Variants in NRG1 observed in about 807,000 individuals in gnomAD.
NRG1 encodes pro-neuregulin-1, membrane-bound isoform.
Under a neutral mutation model 63.8 loss-of-function variants are expected in NRG1, and 18 were observed. The observed-to-expected ratio is 0.28, with a 90% CI of 0.19 to 0.42. The LOEUF is 0.42. NRG1 is among the 10% of genes least tolerant of loss of function. The probability of loss-of-function intolerance (pLI) is 1.00; values close to 1 mark genes in which losing one functional copy is unlikely to be tolerated. For missense variants in NRG1, 762 were observed against 814.7 expected (o/e 0.94, Z 0.79); for synonymous variants, 302 against 301.3 (o/e 1.00, Z -0.02).
chr8:31,852,965 T>C (rs1157267730), intron 1 of NRG1, among the ~76,000 whole-genome samples: 4 of 152,096 alleles, frequency 2.6e-5, no homozygotes, highest in African/African-American at 9.7e-5. Flanking sequence ...GTTCCATTGA[T>C]CTATATCTCT....
intron 1 of NRG1, among the ~76,000 whole-genome samples, chr8:32,457,608 T>C (rs1490359999): frequency 6.6e-6 from 1 of 152,258 alleles, no homozygotes; most frequent in Non-Finnish European, 1.5e-5. Context: ...GTTTCTACTT[T>C]AATCTTTTCT....
At chr8:32,332,190 C>G (rs938450159) in intron 1 of NRG1, among the ~76,000 whole-genome samples, 4 of 152,066 alleles carry the variant, frequency 2.6e-5, no homozygotes, top group South Asian at 2.1e-4. Flanking sequence ...GGAGTTCAGC[C>G]AATGTATTGA....
chr8:31,781,650 A>G (rs1023669909), intron 1 of NRG1, among the ~76,000 whole-genome samples: 3 of 152,174 alleles, frequency 2.0e-5, no homozygotes, highest in Non-Finnish European at 4.4e-5. Context: ...GTGGTCTAGA[A>G]TAATTATGAA....
intron 1 of NRG1, among the ~76,000 whole-genome samples, chr8:32,481,905 T>G (rs1402685007): frequency 6.6e-6 from 1 of 152,162 alleles, no homozygotes; most frequent in East Asian, 1.9e-4. Context: ...CCCAGCTTGT[T>G]GGGGGGTTAG....
chr8:32,544,037 C>G (rs1211300981), upstream of NRG1, among the ~76,000 whole-genome samples: 1 of 152,134 alleles, frequency 6.6e-6, no homozygotes, highest in Non-Finnish European at 1.5e-5. Context: ...TTGCTTATCT[C>G]AGTTTTGTGT....
intron 1 of NRG1, among the ~76,000 whole-genome samples, chr8:32,404,597 T>C (rs947513584): frequency 4.0e-5 from 6 of 149,382 alleles, no homozygotes; most frequent in African/African-American, 9.9e-5. Flanking sequence ...TTTTTTTTTT[T>C]TTTTTTTAAT....
rs143156163 is a variant in NRG1, at chr8:32,070,851, A to G, written c.37+431420A>G. The stretch of plus-strand genomic sequence containing the variant: ...TTTACTATCCAAATCTGAAGTTGCC[A>G]TCATAACCAGACTTCTCTCATTCTC... On this transcript the variant is annotated intron_variant, in intron 1 of 10. Transcript: ENST00000519301. Among the ~76,000 whole-genome samples, 453 of 152,330 alleles carry G rather than the reference A, an allele frequency of 3.0e-3. 1 individual carries two copies. The highest frequency in any genetic ancestry group is 8.0e-3 in the African/African-American group (332 of 41,580).
intron 3 of NRG1, among the ~76,000 whole-genome samples, chr8:32,607,977 T>G (rs1845548105): frequency 6.6e-6 from 1 of 152,070 alleles, no homozygotes; most frequent in Non-Finnish European, 1.5e-5. Flanking sequence ...TAGATCATCC[T>G]TATCCAACCC....
chr8:32,647,903 A>G (rs1304513321), intron 5 of NRG1: 1 of 1,614,106 alleles, frequency 6.2e-7, no homozygotes, highest in Non-Finnish European at 8.5e-7. Flanking sequence ...GTGCGTGCCT[A>G]GAAGCTGAGC....
Position 32,548,831 on chromosome 8 carries a change from G to T in NRG1, c.100+5G>T. On this transcript the variant is annotated splice_donor_5th_base_variant and intron_variant, in intron 1 of 11. Transcript: ENST00000356819. ...CGGCGGGCAGCCAGAGCCCAGGTGG[G>T]TGCGCAGCGCGGCCCGGGCCCCACG... 1.3e-6 allele frequency: 2 copies of T among 1,558,390 alleles called. No homozygotes were observed. Among genetic ancestry groups the T allele is most frequent in the Non-Finnish European group, 1.7e-6 (2 of 1,154,152 alleles).
At position 31,949,819 on chromosome 8, in the gene NRG1, C is replaced by T. The variant is rs535417910; in HGVS notation, c.37+310388C>T. ...CCTGGATATCTCTCAGTATCCCAAA[C>T]GTAGTTCTTACAAATGGGAACTCTT... On this transcript the variant is annotated intron_variant, in intron 1 of 10. Transcript: ENST00000519301. Among the ~76,000 whole-genome samples the T allele has an allele frequency of 1.9e-4, 29 of 152,278 alleles. No individual in the cohort carries two copies. The South Asian group carries it at 4.6e-3, about 24-fold the overall frequency.
At chr8:32,240,546 C>A (rs1351861244) in intron 1 of NRG1, among the ~76,000 whole-genome samples, 3 of 151,748 alleles carry the variant, frequency 2.0e-5, no homozygotes, top group Admixed American at 1.3e-4. Flanking sequence ...CACACACAAA[C>A]ACACACATAC....
chr8:32,375,268 G>A (rs1030018616), intron 1 of NRG1, among the ~76,000 whole-genome samples: 9 of 152,138 alleles, frequency 5.9e-5, no homozygotes, highest in South Asian at 4.2e-4. Context: ...GCGAGCCACC[G>A]TGCCCAGCCT....
chr8:32,453,399 C>A (rs146800389), intron 1 of NRG1, among the ~76,000 whole-genome samples: 1 of 152,174 alleles, frequency 6.6e-6, no homozygotes, highest in Non-Finnish European at 1.5e-5. Flanking sequence ...TGATTCTCAT[C>A]ATAAACAAGC....
At chr8:32,424,857 TAAAAC>T (rs1817149580) in intron 1 of NRG1, among the ~76,000 whole-genome samples, 1 of 152,058 alleles carries the variant, frequency 6.6e-6, no homozygotes, top group South Asian at 2.1e-4. Flanking sequence ...GATCCTCTGT[TAAAAC>T]AAAACAGAAC....
At chr8:32,302,257 C>G (rs1586712595) in intron 1 of NRG1, among the ~76,000 whole-genome samples, 1 of 152,288 alleles carries the variant, frequency 6.6e-6, no homozygotes, top group East Asian at 1.9e-4. Context: ...GTGGATAAAA[C>G]AGTGTCCTCA....
intron 5 of NRG1, among the ~76,000 whole-genome samples, chr8:32,690,898 T>C (rs558139262): frequency 1.3e-5 from 2 of 151,844 alleles, no homozygotes; most frequent in East Asian, 3.9e-4. Context: ...TCTCTTCTAT[T>C]AGTTACATGG....
intron 1 of NRG1, among the ~76,000 whole-genome samples, chr8:32,217,950 A>G (rs926721356): frequency 6.6e-6 from 1 of 152,234 alleles, no homozygotes; most frequent in Non-Finnish European, 1.5e-5. Flanking sequence ...GGCTTTTTAC[A>G]GAAAATGAAA....
chr8:32,592,412 C>T (rs771672251), intron 1 of NRG1, among the ~76,000 whole-genome samples: 2 of 152,084 alleles, frequency 1.3e-5, no homozygotes, highest in Non-Finnish European at 2.9e-5. Context: ...CTTGCCATGT[C>T]TCTTTAATCT....
Sources: gnomAD v4.1 joint callset for allele counts (sites outside exome capture counted in the v4.1 genomes callset) on GRCh38, gnomAD v4.1.1 for gene constraint, MANE v1.5 for transcripts, NCBI Gene and HGNC (gene_info 2026-07-23, HGNC 2026-07-21) for gene names.